BAIAP2L2: variants seen among roughly 807,000 people sequenced by gnomAD.
The protein encoded by BAIAP2L2 is BAR/IMD domain-containing adapter protein 2-like 2.
BAIAP2L2 carries 65 observed loss-of-function variants against 60.4 expected under a neutral mutation model. The observed-to-expected ratio is 1.08, with a 90% CI of 0.88 to 1.32. BAIAP2L2 has a LOEUF of 1.32. BAIAP2L2 is among the 40% of genes most tolerant of loss of function. The pLI is 0.00. For synonymous variants in BAIAP2L2, 344 were observed against 301.7 expected (o/e 1.14, Z -1.45); for missense variants, 836 against 741.2 (o/e 1.13, Z -1.48).
intron 13 of BAIAP2L2, 33 bp from the exon 14 acceptor site, chr22:38,085,408 G>A (rs775681006): frequency 6.2e-6 from 10 of 1,600,196 alleles, no homozygotes; most frequent in Non-Finnish European, 8.6e-6. Context: ...GGGTGAGAAG[G>A]GCAGATGATC....
intron 12 of BAIAP2L2, 110 bp downstream of exon 12, chr22:38,086,132 G>T: frequency 8.2e-7 from 1 of 1,226,424 alleles, no homozygotes; most frequent in African/African-American, 1.5e-5. Context: ...ACTGAGTGAG[G>T]CCAGGTAGGC....
chr22:38,097,396 C>T (rs1029590514), intron 6 of BAIAP2L2, among the ~76,000 whole-genome samples: 2 of 152,234 alleles, frequency 1.3e-5, no homozygotes, highest in African/African-American at 4.8e-5. Flanking sequence ...CCAGGTGCTT[C>T]TCACAAGCAG....
chr22:38,102,773 C>T (rs895236880), intron 4 of BAIAP2L2, among the ~76,000 whole-genome samples: 1 of 151,822 alleles, frequency 6.6e-6, no homozygotes, highest in African/African-American at 2.4e-5. Flanking sequence ...GGTGCGGTGG[C>T]TCACACCTGT....
chr22:38,107,432 C>T (rs1207188851), intron 4 of BAIAP2L2, among the ~76,000 whole-genome samples: 3 of 152,114 alleles, frequency 2.0e-5, no homozygotes, highest in Non-Finnish European at 2.9e-5. Flanking sequence ...AGGGACCCCT[C>T]ACTGAGAAGC....
At chr22:38,106,528 T>TAAAAA (rs71195083) in intron 4 of BAIAP2L2, among the ~76,000 whole-genome samples, 4 of 121,962 alleles carry the variant, frequency 3.3e-5, no homozygotes, top group Non-Finnish European at 6.7e-5. Flanking sequence ...TCAAAAAAAT[T>TAAAAA]AAAAAAAAAA....
At chr22:38,106,840 C>G (rs1472062084) in intron 4 of BAIAP2L2, among the ~76,000 whole-genome samples, 1 of 152,200 alleles carries the variant, frequency 6.6e-6, no homozygotes, top group African/African-American at 2.4e-5. Context: ...ACTCCCTCAG[C>G]TCTTTTCTTT....
chr22:38,096,200 G>A (rs778372422), intron 7 of BAIAP2L2, among the ~76,000 whole-genome samples: 1 of 152,090 alleles, frequency 6.6e-6, no homozygotes, highest in Non-Finnish European at 1.5e-5. Context: ...GTACATAAAT[G>A]GCAATATTTA....
In BAIAP2L2 at chr22:38,087,156, TGTCATGGGGGACATGGAG is replaced by T. The variant is rs746724350; in HGVS notation, c.1209_1226del (p.Ser404_Thr409del). 42 of 1,590,464 alleles carry T rather than the reference TGTCATGGGGGACATGGAG, an allele frequency of 2.6e-5. No homozygotes were observed. The highest frequency in any genetic ancestry group is 3.3e-5 in the Non-Finnish European group (39 of 1,168,370). Reference sequence around the variant, plus strand: ...GCAGCTCGTTCCCGGGGTTCATGGGTGTCATGGGGGACATGGAGGTCATGGAGGTCATGGGGGTCACGG... The same window carrying T: ...GCAGCTCGTTCCCGGGGTTCATGGGTGTCATGGAGGTCATGGGGGTCACGG... On this transcript the variant is annotated inframe_deletion, in exon 11 of 14. Transcript: ENST00000381669.
At chr22:38,100,362 C>T (rs1178794700) in intron 4 of BAIAP2L2, among the ~76,000 whole-genome samples, 1 of 151,744 alleles carries the variant, frequency 6.6e-6, no homozygotes, top group East Asian at 1.9e-4. Flanking sequence ...CCCGTCTCTA[C>T]TAAAAATAAA....
chr22:38,089,825 C>T (rs1371617715), intron 7 of BAIAP2L2, 151 bp from the exon 8 acceptor site: 2 of 741,196 alleles, frequency 2.7e-6, no homozygotes, highest in Non-Finnish European at 3.7e-6. Context: ...GCCAGCTCAC[C>T]GTCCAACCCG....
intron 12 of BAIAP2L2, among the ~76,000 whole-genome samples, 189 bp downstream of exon 12, chr22:38,086,051 TCC>T (rs2086055559): frequency 6.6e-6 from 1 of 152,162 alleles, no homozygotes; most frequent in South Asian, 2.1e-4. Context: ...CCACACCCTG[TCC>T]TGGGACCCTG....
intron 12 of BAIAP2L2, among the ~76,000 whole-genome samples, chr22:38,085,974 C>G (rs949018867): frequency 6.6e-6 from 1 of 152,208 alleles, no homozygotes. Flanking sequence ...AGGATAAGAC[C>G]GGGGTGGCTC....
chr22:38,106,208 T>C (rs900954389), intron 4 of BAIAP2L2, among the ~76,000 whole-genome samples: 6 of 152,128 alleles, frequency 3.9e-5, no homozygotes, highest in African/African-American at 1.4e-4. Flanking sequence ...GCGTGGGATG[T>C]GCATTTACTA....
At chr22:38,098,023 C>T in intron 6 of BAIAP2L2, 40 bp downstream of exon 6, 5 of 860,290 alleles carry the variant, frequency 5.8e-6, no homozygotes, top group East Asian at 2.6e-5. Context: ...GTCTGCCCAC[C>T]CGCCCTTCCT....
chr22:38,098,385 G>A (rs1395918070), intron 5 of BAIAP2L2, 26 bp downstream of exon 5: 1 of 1,609,374 alleles, frequency 6.2e-7, no homozygotes, highest in Non-Finnish European at 8.5e-7. Context: ...AGTGAGTTGG[G>A]GGCCGAGTGG....
chr22:38,096,080 CAG>C (rs1391728633), intron 7 of BAIAP2L2, among the ~76,000 whole-genome samples: 1 of 151,940 alleles, frequency 6.6e-6, no homozygotes, highest in Non-Finnish European at 1.5e-5. Context: ...AAGTCAGTAA[CAG>C]AAAGTATACT....
At position 38,100,419 on chromosome 22, in the gene BAIAP2L2, G is replaced by A. The variant is rs559108166; in HGVS notation, c.277-1937C>T. Among the ~76,000 whole-genome samples, 350 of 152,110 alleles carry A rather than the reference G, an allele frequency of 2.3e-3. 1 individual carries two copies. The highest frequency in any genetic ancestry group is 8.1e-3 in the African/African-American group (335 of 41,486). On this transcript the variant is annotated intron_variant, in intron 4 of 13. Coordinates refer to ENST00000381669, the MANE Select transcript of BAIAP2L2 (RefSeq NM_025045.6). ...CGGCTGCCTGTAATCCCAGCTACTCGGGAGGCTGAGGCAGGAGAATCGCTT... is the reference window on the plus strand; with the variant it reads ...CGGCTGCCTGTAATCCCAGCTACTCAGGAGGCTGAGGCAGGAGAATCGCTT...
chr22:38,090,182 C>G (rs1370975628), intron 7 of BAIAP2L2: 2 of 140,560 alleles, frequency 1.4e-5, no homozygotes, highest in African/African-American at 5.3e-5. Flanking sequence ...GCGATCTCGG[C>G]TCACTGCAAG....
chr22:38,108,096 C>A (rs181486678), intron 3 of BAIAP2L2, among the ~76,000 whole-genome samples, 159 bp downstream of exon 3: 2 of 152,172 alleles, frequency 1.3e-5, no homozygotes, highest in African/African-American at 4.8e-5. Context: ...GGGAGCAGCC[C>A]GGCAGGGAGT....
Sources: gnomAD v4.1 joint callset for allele counts (sites outside exome capture counted in the v4.1 genomes callset) on GRCh38, gnomAD v4.1.1 for gene constraint, MANE v1.5 for transcripts, NCBI Gene and HGNC (gene_info 2026-07-23, HGNC 2026-07-21) for gene names.